The following MSRA variants were observed in gnomAD, a reference collection of about 807,000 sequenced individuals.
MSRA encodes the protein mitochondrial peptide methionine sulfoxide reductase.
A neutral mutation model predicts 31.3 loss-of-function variants in MSRA; 54 were observed. That is an observed-to-expected ratio of 1.73 (90% CI 1.39 to 2.17). The LOEUF is 2.17. Among genes scored for constraint, MSRA ranks in the 30% most tolerant of loss-of-function variants. The pLI, the probability that MSRA is intolerant of heterozygous loss-of-function variation, is 0.00. For missense variants in MSRA, 507 were observed against 300.9 expected (o/e 1.69, Z -5.07); for synonymous variants, 169 against 116.5 (o/e 1.45, Z -2.90).
At chr8:10,335,366 A>G (rs1245429466) in intron 5 of MSRA, among the ~76,000 whole-genome samples, 2 of 143,302 alleles carry the variant, frequency 1.4e-5, no homozygotes, top group African/African-American at 5.3e-5. Context: ...GTCAGATTCC[A>G]TTTACCTTGG....
chr8:10,110,330 G>A (rs1009290009), intron 1 of MSRA, among the ~76,000 whole-genome samples: 1 of 152,142 alleles, frequency 6.6e-6, no homozygotes, highest in Non-Finnish European at 1.5e-5. Flanking sequence ...ATTTTCAAGA[G>A]TGTGGATTAT....
chr8:10,245,093 T>C lies in MSRA; in HGVS notation c.212-11T>C. The C allele has an allele frequency of 3.7e-6, 6 of 1,609,770 alleles. No individual in the cohort carries two copies. The highest frequency in any genetic ancestry group is 1.1e-5 in the South Asian group (1 of 89,930). On this transcript the variant is annotated splice_polypyrimidine_tract_variant and intron_variant, in intron 2 of 5. Coordinates refer to ENST00000317173, the MANE Select transcript of MSRA (RefSeq NM_012331.5). ...ATCAGTATCCTTTTTTTTTCTTTTTTCTTTTTTAAGGAATGGGATGTTTCT... is the reference window on the plus strand; with the variant it reads ...ATCAGTATCCTTTTTTTTTCTTTTTCCTTTTTTAAGGAATGGGATGTTTCT...
intron 5 of MSRA, among the ~76,000 whole-genome samples, chr8:10,329,818 C>T (rs565937723): frequency 3.6e-4 from 54 of 151,850 alleles, no homozygotes; most frequent in South Asian, 1.9e-3. Flanking sequence ...TTTCCTCTCT[C>T]GGGGGTCTTT....
intron 1 of MSRA, among the ~76,000 whole-genome samples, chr8:10,159,448 T>A (rs912500535): frequency 2.0e-5 from 3 of 152,130 alleles, no homozygotes; most frequent in African/African-American, 7.2e-5. Flanking sequence ...GGTTGGAGAG[T>A]GAGAGGAAAC....
At chr8:10,404,709 C>T (rs1452509290) in intron 5 of MSRA, among the ~76,000 whole-genome samples, 1 of 152,260 alleles carries the variant, frequency 6.6e-6, no homozygotes, top group Non-Finnish European at 1.5e-5. Flanking sequence ...TCCGTGCCTT[C>T]TCGTGGCACC....
chr8:10,349,349 C>G (rs1803981788), intron 5 of MSRA, among the ~76,000 whole-genome samples: 1 of 152,178 alleles, frequency 6.6e-6, no homozygotes, highest in Admixed American at 6.5e-5. Context: ...GTGCTCTTCC[C>G]CATTCTCTGT....
chr8:10,091,094 T>C (rs1224997362), intron 1 of MSRA, among the ~76,000 whole-genome samples: 1 of 152,264 alleles, frequency 6.6e-6, no homozygotes, highest in Non-Finnish European at 1.5e-5. Flanking sequence ...TTGAGTTTTA[T>C]ATGTTGGACT....
At chr8:10,410,421 A>C (rs974804385) in intron 5 of MSRA, among the ~76,000 whole-genome samples, 27 of 152,224 alleles carry the variant, frequency 1.8e-4, no homozygotes, top group Admixed American at 1.4e-3. Context: ...CCATCACCTC[A>C]TAATTCCCAC....
At chr8:10,141,075 TCTGTCCAAAGG>T (rs1409387496) in intron 1 of MSRA, among the ~76,000 whole-genome samples, 1 of 152,200 alleles carries the variant, frequency 6.6e-6, no homozygotes, top group Non-Finnish European at 1.5e-5. Context: ...GAGGGCCTGT[TCTGTCCAAAGG>T]CACTCAAATC....
At chr8:10,381,790 C>T (rs1320257446) in intron 5 of MSRA, among the ~76,000 whole-genome samples, 1 of 152,132 alleles carries the variant, frequency 6.6e-6, no homozygotes, top group Admixed American at 6.5e-5. Flanking sequence ...CCTTTGCTTC[C>T]GTGGAGATCA....
intron 1 of MSRA, among the ~76,000 whole-genome samples, chr8:10,135,350 T>A (rs929748674): frequency 6.6e-6 from 1 of 152,220 alleles, no homozygotes; most frequent in Non-Finnish European, 1.5e-5. Flanking sequence ...AATCCCAGTT[T>A]ACTTGGCATG....
chr8:10,207,407 C>G (rs759917977), intron 1 of MSRA, among the ~76,000 whole-genome samples: 1 of 152,224 alleles, frequency 6.6e-6, no homozygotes, highest in Non-Finnish European at 1.5e-5. Flanking sequence ...CTTTTTACTT[C>G]TCACTTTAAA....
intron 5 of MSRA, among the ~76,000 whole-genome samples, chr8:10,342,046 A>G (rs1294485286): frequency 6.6e-6 from 1 of 152,154 alleles, no homozygotes; most frequent in Non-Finnish European, 1.5e-5. Flanking sequence ...GCGTCTTTCC[A>G]CTGCCGTCTA....
intron 1 of MSRA, among the ~76,000 whole-genome samples, chr8:10,121,969 C>T (rs1801146688): frequency 6.6e-6 from 1 of 152,100 alleles, no homozygotes; most frequent in Admixed American, 6.5e-5. Flanking sequence ...GCATGAGCCA[C>T]TGTGTAAATG....
intron 5 of MSRA, among the ~76,000 whole-genome samples, chr8:10,361,496 A>C (rs926904357): frequency 3.9e-5 from 6 of 152,150 alleles, no homozygotes; most frequent in African/African-American, 1.4e-4. Context: ...TTCTCCCAGT[A>C]CTATAAGACT....
chr8:10,301,481 C>T lies in MSRA; in HGVS notation c.332-53C>T, dbSNP rs1022460786. On this transcript the variant is annotated intron_variant, in intron 3 of 5. Transcript: ENST00000317173. ...GTTTTTTTTGTGAACAAAAAACTTG[C>T]AATAAATGGATGTTGTCAGTAAATT... is the stretch of plus-strand genomic sequence containing the variant. 1.1e-5 allele frequency: 15 copies of T among 1,395,158 alleles called. 1 individual carries two copies. The highest frequency in any genetic ancestry group is 4.8e-5 in the South Asian group (4 of 83,028). The allele number at this position is 1,395,158 out of a possible 1,614,324, so 86.4% of individuals were successfully genotyped here.
At chr8:10,194,618 G>C (rs141969924) in intron 1 of MSRA, among the ~76,000 whole-genome samples, 149 of 152,298 alleles carry the variant, frequency 9.8e-4, no homozygotes, top group Admixed American at 2.0e-3. Flanking sequence ...CAATTTTGTA[G>C]AGGAAATGAA....
chr8:10,305,952 AC>A (rs1256767739), intron 4 of MSRA, among the ~76,000 whole-genome samples: 1 of 152,064 alleles, frequency 6.6e-6, no homozygotes, highest in Non-Finnish European at 1.5e-5. Context: ...TTACCACAGA[AC>A]CTCTACTTTT....
intron 1 of MSRA, among the ~76,000 whole-genome samples, chr8:10,075,163 C>T (rs1797940387): frequency 6.6e-6 from 1 of 152,162 alleles, no homozygotes; most frequent in South Asian, 2.1e-4. Context: ...TGTATAATGG[C>T]ATTGCAAATT....
Sources: gnomAD v4.1 joint callset for allele counts (sites outside exome capture counted in the v4.1 genomes callset) on GRCh38, gnomAD v4.1.1 for gene constraint, MANE v1.5 for transcripts, NCBI Gene and HGNC (gene_info 2026-07-23, HGNC 2026-07-21) for gene names.